The following PRSS53 variants were observed in gnomAD, a reference collection of about 807,000 sequenced individuals.
PRSS53 encodes EDTP308.
In PRSS53, 54 loss-of-function variants were observed where a neutral mutation model predicts 62.7. The observed-to-expected ratio is 0.86, with a 90% confidence interval of 0.69 to 1.08. PRSS53 has a LOEUF of 1.08. Ranked by LOEUF, PRSS53 falls within the 50% of genes least tolerant of loss-of-function variation. The probability of loss-of-function intolerance (pLI) is 0.00; values close to 1 mark genes in which losing one functional copy is unlikely to be tolerated. For synonymous variants in PRSS53, 273 were observed against 300.0 expected (o/e 0.91, Z 0.93); for missense variants, 688 against 728.3 (o/e 0.94, Z 0.64).
intron 10 of PRSS53, 71 bp downstream of exon 10, chr16:31,084,048 G>A (rs1351167420): frequency 7.2e-6 from 11 of 1,523,706 alleles, no homozygotes; most frequent in Middle Eastern, 2.0e-4. Context: ...GGGTTAGAAC[G>A]GCACGTTCTC....
rs764256793 is a variant in PRSS53 at position 31,087,750 on chromosome 16, C to G, written c.80-51G>C. 3.1e-6 allele frequency: 5 copies of G among 1,614,176 alleles called. No homozygotes were observed. The South Asian group carries it at 5.5e-5, about 18-fold the overall frequency. ...ACAGCAGATACCTGTCCTGACCTCA[C>G]CCCAGTCCCAACCCAGACCCAAGTA... On this transcript the variant is annotated intron_variant, in intron 2 of 10. Coordinates refer to ENST00000280606, the Ensembl canonical transcript of PRSS53.
At chr16:31,084,601 C>A (rs761188641) in exon 9 of PRSS53, 1 of 1,606,988 alleles carries the variant, frequency 6.2e-7, no homozygotes, top group South Asian at 1.1e-5. Context: ...ACACACCATC[C>A]CCGGCAGAAT....
chr16:31,088,737 C>T lies in PRSS53; in HGVS notation c.58+15G>A, dbSNP rs1431998024. ...CCACCAGGCCACACCCATACCCCAGCACATGGCGGCTTACCCTCCATGAGG... is the reference window on the plus strand; with the variant it reads ...CCACCAGGCCACACCCATACCCCAGTACATGGCGGCTTACCCTCCATGAGG... On this transcript the variant is annotated intron_variant, in intron 1 of 10. Transcript: ENST00000280606. The T allele has an allele frequency of 6.2e-7, 1 of 1,613,300 alleles. No homozygotes were observed. The highest frequency in any genetic ancestry group is 8.5e-7 in the Non-Finnish European group (1 of 1,180,008).
exon 3 of PRSS53, chr16:31,087,605 T>C (rs1567417947): frequency 5.6e-6 from 9 of 1,611,066 alleles, no homozygotes; most frequent in Non-Finnish European, 7.6e-6. Flanking sequence ...AGATGTGGGC[T>C]CCTTGCCTCC....
At chr16:31,083,762 C>T (rs1352400817) in exon 11 of PRSS53, 1 of 1,614,164 alleles carries the variant, frequency 6.2e-7, no homozygotes, top group East Asian at 2.2e-5. Flanking sequence ...CCTGCATTCT[C>T]TTGTCCTGAG....
rs1293238394 is a variant in PRSS53, at chr16:31,086,354, C to T, written c.646G>A (p.Val216Met). The T allele has an allele frequency of 1.9e-6, 3 of 1,612,862 alleles. No homozygotes were observed. The highest frequency in any genetic ancestry group is 1.7e-4 in the Middle Eastern group (1 of 6,012). ...TATCAGACCTGACAGGGGCCCTGCA[C>T]CCCAGGCTGGGGGCCCCCACATAGC... Residue 216 changes from valine to methionine, a missense_variant, in exon 5 of 11, where the codon GTG becomes ATG. Physicochemically the swap from Val to Met is conservative, Grantham distance 21. Transcript: ENST00000280606.
exon 4 of PRSS53, chr16:31,086,817 C>A (rs761160521): frequency 6.2e-7 from 1 of 1,613,602 alleles, no homozygotes; most frequent in Non-Finnish European, 8.5e-7. Flanking sequence ...CCACCCCCAC[C>A]TCTTCGGCCC....
chr16:31,084,553 C>G lies in PRSS53; in HGVS notation c.1425+5G>C. The G allele has an allele frequency of 1.2e-6, 2 of 1,601,406 alleles. No individual in the cohort carries two copies. Among genetic ancestry groups the G allele is most frequent in the Non-Finnish European group, 1.7e-6 (2 of 1,175,244 alleles). ...TTAGGTAAGGTGTGGGGGCCTGGGG[C>G]TCACCTCACAGCTGGGCAGCTCACC... On this transcript the variant is annotated splice_donor_5th_base_variant and intron_variant, in intron 9 of 10. Transcript: ENST00000280606.
chr16:31,086,646 C>A, exon 4 of PRSS53: 1 of 1,540,294 alleles, frequency 6.5e-7, no homozygotes, highest in Non-Finnish European at 8.8e-7. Flanking sequence ...CACTGGTGTC[C>A]TGATCCCAGC....
At chr16:31,088,799 C>G (rs759109470) in exon 1 of PRSS53, 2 of 1,613,856 alleles carry the variant, frequency 1.2e-6, no homozygotes, top group East Asian at 2.2e-5. Flanking sequence ...TGGGCCCCAG[C>G]ACCACTTCAT....
At chr16:31,085,369 G>T in intron 6 of PRSS53, 109 bp from the exon 7 acceptor site, 1 of 1,287,274 alleles carries the variant, frequency 7.8e-7, no homozygotes, top group Non-Finnish European at 1.0e-6. Context: ...ATTACTGAAG[G>T]TAACCAAAGT....
intron 3 of PRSS53, 169 bp from the exon 4 acceptor site, chr16:31,087,067 A>G (rs2057242656): frequency 1.5e-6 from 1 of 668,874 alleles, no homozygotes; most frequent in Non-Finnish European, 2.4e-6. Flanking sequence ...CATGACCATG[A>G]CTCACTACAA....
chr16:31,084,945 C>T lies in PRSS53; in HGVS notation c.1114G>A (p.Gly372Arg), dbSNP rs1274377201. The change falls in exon 8 of 11, where the codon GGA (glycine) becomes AGA (arginine). Residue 372 changes from glycine to arginine, a missense_variant. Coordinates refer to ENST00000280606, the Ensembl canonical transcript of PRSS53. ...CCCCCCTCAGGGTGGGTGTAGGCTC[C>T]ATGCAGGATGAGCTGCTTCAGGCCC... 3 of 1,548,938 alleles carry T rather than the reference C, an allele frequency of 1.9e-6. No individual in the cohort carries two copies. The East Asian group carries it at 7.1e-5, about 37-fold the overall frequency.
exon 5 of PRSS53, chr16:31,086,421 C>G: frequency 1.2e-6 from 2 of 1,614,126 alleles, no homozygotes; most frequent in South Asian, 2.2e-5. Flanking sequence ...GCTGGTGCAG[C>G]TGGTTGTAGA....
At chr16:31,088,383 G>C in intron 1 of PRSS53, 2 of 1,152,190 alleles carry the variant, frequency 1.7e-6, no homozygotes, top group Non-Finnish European at 2.2e-6. Flanking sequence ...CCATGAGACA[G>C]CTGAGCCAGG....
At chr16:31,085,755 C>T (rs746112642) in intron 6 of PRSS53, among the ~76,000 whole-genome samples, 1 of 152,196 alleles carries the variant, frequency 6.6e-6, no homozygotes, top group Non-Finnish European at 1.5e-5. Context: ...AGTCAGGTCT[C>T]AGAGATTCCT....
chr16:31,088,853 G>A (rs1481590283), exon 1 of PRSS53: 1 of 1,610,956 alleles, frequency 6.2e-7, no homozygotes, highest in South Asian at 1.1e-5. Context: ...CTCTGAGAGA[G>A]GCCACCTGGG....
chr16:31,087,287 G>A (rs1029877741), intron 3 of PRSS53: 5 of 571,336 alleles, frequency 8.8e-6, no homozygotes, highest in Middle Eastern at 4.7e-4. Flanking sequence ...GTGAGCTACT[G>A]TGCCCGGCCT....
chr16:31,087,969 A>ATT, intron 1 of PRSS53, 143 bp from the exon 2 acceptor site: 1 of 1,538,594 alleles, frequency 6.5e-7, no homozygotes, highest in Non-Finnish European at 8.8e-7. Flanking sequence ...GAATGAAAAT[A>ATT]TTTATATGAG....
Sources: gnomAD v4.1 joint callset for allele counts (sites outside exome capture counted in the v4.1 genomes callset) on GRCh38, gnomAD v4.1.1 for gene constraint, MANE v1.5 for transcripts, NCBI Gene and HGNC (gene_info 2026-07-23, HGNC 2026-07-21) for gene names.